Variants in UST observed in about 807,000 individuals in gnomAD.
UST encodes the protein uronyl 2-sulfotransferase, also known as chondroitin sulfate 2-O-sulfotransferase.
A neutral mutation model predicts 45.6 loss-of-function variants in UST; 21 were observed. The ratio of observed to expected loss-of-function variants is 0.46; its 90% confidence interval spans 0.33 to 0.66. The LOEUF (loss-of-function observed/expected upper bound fraction) is 0.66, where lower values mean the gene tolerates loss of function less well. Ranked by LOEUF, UST falls within the 30% of genes least tolerant of loss-of-function variation. The pLI is 0.02. For synonymous variants in UST, 215 were observed against 200.6 expected, an observed-to-expected ratio of 1.07 and a Z score of -0.61; for missense variants, 463 against 512.4, an observed-to-expected ratio of 0.90 and a Z score of 0.93.
chr6:148,974,495 T>A (rs1187672056), intron 5 of UST, among the ~76,000 whole-genome samples: 2 of 152,132 alleles, frequency 1.3e-5, no homozygotes, highest in African/African-American at 4.8e-5. Context: ...GTAGAAGTGG[T>A]TTGGCAGAAA....
intron 1 of UST, among the ~76,000 whole-genome samples, chr6:148,881,980 A>G (rs1442001606): frequency 6.6e-6 from 1 of 152,210 alleles, no homozygotes; most frequent in Admixed American, 6.5e-5. Context: ...GTCTCCTGCT[A>G]AAGAAATACC....
intron 1 of UST, among the ~76,000 whole-genome samples, chr6:148,776,655 A>G (rs1343150466): frequency 6.6e-6 from 1 of 152,236 alleles, no homozygotes; most frequent in East Asian, 1.9e-4. Context: ...GGTGTTTTCT[A>G]GAAAGTGAAA....
At chr6:148,964,266 T>C (rs1217290532) in intron 4 of UST, 144 bp from the exon 5 acceptor site, 15 of 937,028 alleles carry the variant, frequency 1.6e-5, no homozygotes, top group Non-Finnish European at 2.2e-5. Context: ...GGAAACACCG[T>C]TTGCTTATTA....
chr6:148,923,538 G>A (rs1469952012), intron 2 of UST, among the ~76,000 whole-genome samples: 2 of 152,194 alleles, frequency 1.3e-5, no homozygotes, highest in Non-Finnish European at 1.5e-5. Flanking sequence ...TAAAGGGTTA[G>A]CATGTTCTGT....
intron 2 of UST, among the ~76,000 whole-genome samples, chr6:148,907,654 G>A (rs566872157): frequency 6.6e-6 from 1 of 152,210 alleles, no homozygotes; most frequent in South Asian, 2.1e-4. Context: ...TCATTTCTTT[G>A]GTTTATTTAG....
At chr6:148,964,677 C>T in intron 5 of UST, 114 bp downstream of exon 5, 1 of 1,368,704 alleles carries the variant, frequency 7.3e-7, no homozygotes, top group Non-Finnish European at 9.9e-7. Context: ...CTCCATGGAG[C>T]GTGGCGCAGA....
chr6:148,747,929 G>A (rs115621587), intron 1 of UST, among the ~76,000 whole-genome samples: 95 of 152,260 alleles, frequency 6.2e-4, no homozygotes, highest in African/African-American at 2.1e-3. Flanking sequence ...GCGAGGCACC[G>A]CTCACCTTCC....
intron 5 of UST, among the ~76,000 whole-genome samples, chr6:149,000,241 A>G (rs575521017): frequency 6.6e-6 from 1 of 152,364 alleles, no homozygotes; most frequent in African/African-American, 2.4e-5. Context: ...ATAAGAGGCT[A>G]GAGATATACA....
chr6:148,879,266 A>T, intron 1 of UST, among the ~76,000 whole-genome samples: 1 of 152,322 alleles, frequency 6.6e-6, no homozygotes, highest in African/African-American at 2.4e-5. Flanking sequence ...TTCTGTGATC[A>T]TCCACGCTCC....
chr6:148,831,326 A>G (rs1413905051), intron 1 of UST, among the ~76,000 whole-genome samples: 1 of 152,200 alleles, frequency 6.6e-6, no homozygotes, highest in African/African-American at 2.4e-5. Flanking sequence ...CACAGGGTGT[A>G]TTTGTGACTG....
chr6:149,044,928 G>T (rs2153252), intron 7 of UST, among the ~76,000 whole-genome samples: 48,008 of 152,118 alleles, frequency 0.32, 7,991 homozygotes, highest in Non-Finnish European at 0.36. Context: ...AGCATCAAAG[G>T]CTTAGTGTTT....
At chr6:148,835,417 G>A (rs1348882495) in intron 1 of UST, among the ~76,000 whole-genome samples, 1 of 152,178 alleles carries the variant, frequency 6.6e-6, no homozygotes, top group Non-Finnish European at 1.5e-5. Flanking sequence ...CTATTTTCCA[G>A]TTGGGAGAAA....
chr6:148,829,814 A>G (rs997889596), intron 1 of UST, among the ~76,000 whole-genome samples: 1 of 152,052 alleles, frequency 6.6e-6, no homozygotes, highest in Non-Finnish European at 1.5e-5. Flanking sequence ...AATTTTACCA[A>G]CCCATCATTA....
At chr6:148,827,434 C>G (rs1296733094) in intron 1 of UST, among the ~76,000 whole-genome samples, 1 of 152,064 alleles carries the variant, frequency 6.6e-6, no homozygotes, top group Non-Finnish European at 1.5e-5. Flanking sequence ...AGCTGGACAT[C>G]ATAGTGAAAC....
At chr6:149,025,587 G>A (rs183786497) in intron 7 of UST, among the ~76,000 whole-genome samples, 9 of 152,252 alleles carry the variant, frequency 5.9e-5, no homozygotes, top group Admixed American at 3.3e-4. Context: ...AGGTTTACTC[G>A]GTAGAAGCAA....
At chr6:148,919,405 C>G (rs1779655634) in intron 2 of UST, among the ~76,000 whole-genome samples, 2 of 143,270 alleles carry the variant, frequency 1.4e-5, no homozygotes, top group South Asian at 2.3e-4. Flanking sequence ...ATAGTGTGCT[C>G]AGTGTCAGAG....
intron 5 of UST, among the ~76,000 whole-genome samples, chr6:148,975,907 GA>G (rs1199542657): frequency 6.6e-6 from 1 of 152,118 alleles, no homozygotes; most frequent in African/African-American, 2.4e-5. Flanking sequence ...GGCAATGGAA[GA>G]AATCACAAAA....
intron 3 of UST, 38 bp from the exon 4 acceptor site, chr6:148,953,834 T>G: frequency 1.5e-6 from 2 of 1,319,694 alleles, no homozygotes; most frequent in South Asian, 2.9e-5. Context: ...CTTGGTAAAT[T>G]AGATCCTATA....
intron 7 of UST, among the ~76,000 whole-genome samples, chr6:149,039,442 TCTCAAA>T (rs1282263489): frequency 6.6e-6 from 1 of 152,160 alleles, no homozygotes; most frequent in East Asian, 1.9e-4. Flanking sequence ...GTCAGGCTGG[TCTCAAA>T]CTCCCGACCT....
Sources: gnomAD v4.1 joint callset for allele counts (sites outside exome capture counted in the v4.1 genomes callset) on GRCh38, gnomAD v4.1.1 for gene constraint, MANE v1.5 for transcripts, NCBI Gene and HGNC (gene_info 2026-07-23, HGNC 2026-07-21) for gene names.